The following TBCK variants were observed in gnomAD, a reference collection of about 807,000 sequenced individuals.
TBCK encodes TBC1 domain containing kinase, also known as TBC domain-containing protein kinase-like protein.
A neutral mutation model predicts 113.4 loss-of-function variants in TBCK; 99 were observed. The ratio of observed to expected loss-of-function variants is 0.87; its 90% CI spans 0.74 to 1.03. TBCK has a LOEUF of 1.03. Among genes scored for constraint, TBCK ranks in the 50% least tolerant of loss-of-function variants. The pLI is 0.00. For missense variants in TBCK, 1,045 were observed against 1,061.3 expected, an observed-to-expected ratio of 0.98 and a Z score of 0.21; for synonymous variants, 369 against 370.8, an observed-to-expected ratio of 1.00 and a Z score of 0.05.
intron 23 of TBCK, among the ~76,000 whole-genome samples, chr4:106,120,908 C>T (rs1744262314): frequency 6.6e-6 from 1 of 152,160 alleles, no homozygotes; most frequent in Admixed American, 6.5e-5. Context: ...ACGCAGAGCT[C>T]CTCTCCTCCT....
intron 3 of TBCK, among the ~76,000 whole-genome samples, chr4:106,294,543 G>A (rs767304760): frequency 1.1e-4 from 16 of 151,558 alleles, no homozygotes; most frequent in Admixed American, 2.0e-4. Flanking sequence ...GTGCGGTGGT[G>A]CAATCTCGGC....
intron 5 of TBCK, among the ~76,000 whole-genome samples, chr4:106,253,798 TC>T (rs1761684899): frequency 6.6e-6 from 1 of 152,154 alleles, no homozygotes; most frequent in Admixed American, 6.5e-5. Context: ...TGTTTTGGGG[TC>T]CCCAAGACCA....
chr4:106,111,738 T>G (rs1275752590), intron 24 of TBCK, among the ~76,000 whole-genome samples: 1 of 152,214 alleles, frequency 6.6e-6, no homozygotes, highest in African/African-American at 2.4e-5. Context: ...ACAGATGTCT[T>G]TCTCCTTGGA....
rs1183989580 is a variant in TBCK, at chr4:106,283,762, A to G, written c.266+11332T>C. On this transcript the variant is annotated intron_variant, in intron 3 of 25. Transcript: ENST00000394708. ...AAGATGCCTTTTCCTCTGGGGGAAA[A>G]AAAAAAAGAAATGGAGAACCTCCAA... Among the ~76,000 whole-genome samples, 3 of 152,214 alleles carry G rather than the reference A, an allele frequency of 2.0e-5. No individual in the cohort carries two copies. The East Asian group carries it at 5.8e-4, about 29-fold the overall frequency.
At position 106,140,717 on chromosome 4, in the gene TBCK, A is replaced by AT. The variant is rs558600911; in HGVS notation, c.2236-24340dup. Among the ~76,000 whole-genome samples, 78 of 134,316 alleles carry AT rather than the reference A, an allele frequency of 5.8e-4. 6 individuals are homozygous for AT. The highest frequency in any genetic ancestry group is 3.6e-3 in the South Asian group (14 of 3,920). The allele number at this position is 134,316 out of a possible 152,430, so 88.1% of individuals were successfully genotyped here. On this transcript the variant is annotated intron_variant, in intron 23 of 25. Coordinates refer to ENST00000394708, the MANE Select transcript of TBCK (RefSeq NM_001163435.3). The stretch of plus-strand genomic sequence containing the variant: ...TTCATTGTTTTTCAAGTCTAGTTAA[A>AT]TTTTTTTTTTTTCTAATTCCCTCTC...
chr4:106,296,021 G>A (rs545248209), intron 2 of TBCK, among the ~76,000 whole-genome samples: 1 of 152,212 alleles, frequency 6.6e-6, no homozygotes, highest in South Asian at 2.1e-4. Flanking sequence ...AACAACAGTT[G>A]AGATTAAATA....
chr4:106,296,100 C>T (rs1766276207), intron 2 of TBCK, among the ~76,000 whole-genome samples: 1 of 152,118 alleles, frequency 6.6e-6, no homozygotes, highest in Non-Finnish European at 1.5e-5. Context: ...ATCAACTGAT[C>T]AAGATGGCAC....
chr4:106,179,848 C>T (rs897312233), intron 22 of TBCK, among the ~76,000 whole-genome samples: 3 of 152,062 alleles, frequency 2.0e-5, no homozygotes, highest in South Asian at 2.1e-4. Flanking sequence ...GCTGAGTCCC[C>T]TTCTATTATA....
chr4:106,085,271 A>AAAAACAAAACAAAAC (rs140682905), intron 25 of TBCK, among the ~76,000 whole-genome samples: 1,587 of 150,090 alleles, frequency 0.011, 10 homozygotes, highest in African/African-American at 0.019. Flanking sequence ...AAATGGAAAG[A>AAAAACAAAACAAAAC]AAAACAAAAC....
intron 23 of TBCK, among the ~76,000 whole-genome samples, chr4:106,161,254 A>T (rs12512966): frequency 6.6e-6 from 1 of 152,054 alleles, no homozygotes; most frequent in Non-Finnish European, 1.5e-5. Flanking sequence ...TACAAATACA[A>T]ATAAATGCAT....
At chr4:106,175,887 C>A (rs1466858187) in intron 22 of TBCK, among the ~76,000 whole-genome samples, 1 of 152,062 alleles carries the variant, frequency 6.6e-6, no homozygotes. Flanking sequence ...GAAGTAACTT[C>A]TGGGTATTGA....
chr4:106,047,148 G>A (rs536255882), intron 25 of TBCK, among the ~76,000 whole-genome samples: 4 of 152,194 alleles, frequency 2.6e-5, no homozygotes, highest in South Asian at 2.1e-4. Context: ...CCATAAACCA[G>A]TTGTAACATG....
At chr4:106,079,142 C>G (rs1040715892) in intron 25 of TBCK, among the ~76,000 whole-genome samples, 13 of 152,160 alleles carry the variant, frequency 8.5e-5, no homozygotes, top group African/African-American at 2.9e-4. Flanking sequence ...GTTAAACATC[C>G]TCAACAAATT....
At position 106,074,903 on chromosome 4, in the gene TBCK, G is replaced by T. The variant is rs764200302; in HGVS notation, c.2571+20579C>A. ...AACCTGACATAATTCTGGAGGGAAGGGCACAGCAGGAGAAATATTCTGTCC... is the reference window on the plus strand; with the variant it reads ...AACCTGACATAATTCTGGAGGGAAGTGCACAGCAGGAGAAATATTCTGTCC... On this transcript the variant is annotated intron_variant, in intron 25 of 25. Transcript: ENST00000394708. Among the ~76,000 whole-genome samples the T allele has an allele frequency of 5.9e-4, 90 of 152,294 alleles. 3 individuals carry two copies. The highest frequency in any genetic ancestry group is 1.7e-3 in the Admixed American group (26 of 15,306).
chr4:106,234,097 C>T (rs1158863316), intron 15 of TBCK, among the ~76,000 whole-genome samples: 2 of 151,898 alleles, frequency 1.3e-5, no homozygotes, highest in African/African-American at 4.8e-5. Context: ...AAATTTTGGT[C>T]GTGTTCTATA....
intron 25 of TBCK, among the ~76,000 whole-genome samples, chr4:106,071,339 C>G (rs2149477211): frequency 6.6e-6 from 1 of 152,238 alleles, no homozygotes; most frequent in Middle Eastern, 3.4e-3. Flanking sequence ...TTATTTCTGC[C>G]TTCATTTCAT....
chr4:106,288,295 G>C (rs925547171), intron 3 of TBCK, among the ~76,000 whole-genome samples: 1 of 152,058 alleles, frequency 6.6e-6, no homozygotes. Flanking sequence ...TCAGGAGGCT[G>C]AGACAGGAGA....
Position 106,235,251 on chromosome 4 carries a change from CT to C in TBCK, c.1449+17del, listed in dbSNP as rs1217709112. The C allele has an allele frequency of 3.9e-6, 6 of 1,552,394 alleles. No individual in the cohort carries two copies. Among genetic ancestry groups the C allele is most frequent in the Middle Eastern group, 1.7e-4 (1 of 5,864 alleles). ...TTTGCATAATTAATCAGCTTCTAAC[CT>C]TTTCTTTTTTCCTTACCTCAACTCC... On this transcript the variant is annotated intron_variant, in intron 15 of 25. Coordinates refer to ENST00000394708, the MANE Select transcript of TBCK (RefSeq NM_001163435.3).
intron 23 of TBCK, among the ~76,000 whole-genome samples, chr4:106,166,990 C>G (rs1352315760): frequency 6.7e-6 from 1 of 150,266 alleles, no homozygotes; most frequent in African/African-American, 2.4e-5. Context: ...GTAAGTCTAC[C>G]TACTCTTAAA....
Sources: gnomAD v4.1 joint callset for allele counts (sites outside exome capture counted in the v4.1 genomes callset) on GRCh38, gnomAD v4.1.1 for gene constraint, MANE v1.5 for transcripts, NCBI Gene and HGNC (gene_info 2026-07-23, HGNC 2026-07-21) for gene names.